The following SLC25A48 variants were observed in gnomAD, a reference collection of about 807,000 sequenced individuals.
SLC25A48 encodes CTC-321K16.1.
Under a neutral mutation model 32.2 loss-of-function variants are expected in SLC25A48, and 29 were observed. That is an observed-to-expected ratio of 0.90 (90% CI 0.67 to 1.23). The LOEUF (loss-of-function observed/expected upper bound fraction) is 1.23, where lower values mean the gene tolerates loss of function less well. Among genes scored for constraint, SLC25A48 ranks in the 50% most tolerant of loss-of-function variants. The pLI is 0.00. For synonymous variants in SLC25A48, 164 were observed against 172.3 expected (o/e 0.95, Z 0.38); for missense variants, 399 against 422.7 (o/e 0.94, Z 0.49).
chr5:135,870,092 A>G (rs1469100188), intron 4 of SLC25A48, among the ~76,000 whole-genome samples: 1 of 152,210 alleles, frequency 6.6e-6, no homozygotes, highest in Non-Finnish European at 1.5e-5. Context: ...TTCCTCTGAT[A>G]AAGATGGACT....
chr5:135,621,229 T>C (rs2126898882), intron 1 of SLC25A48, among the ~76,000 whole-genome samples: 1 of 152,334 alleles, frequency 6.6e-6, no homozygotes, highest in Admixed American at 6.5e-5. Flanking sequence ...GGGCCTCAAC[T>C]TTCCCATCTA....
intron 4 of SLC25A48, among the ~76,000 whole-genome samples, chr5:135,818,768 G>A (rs1757799974): frequency 6.6e-6 from 1 of 152,176 alleles, no homozygotes; most frequent in South Asian, 2.1e-4. Context: ...GGTGGGCCAT[G>A]TGTTGGAATT....
Position 135,676,529 on chromosome 5 carries a change from A to G in SLC25A48, c.-521+41573A>G, listed in dbSNP as rs185143022. 2.6e-5 allele frequency among the ~76,000 whole-genome samples: 4 copies of G among 151,760 alleles called. No individual in the cohort carries two copies. The East Asian group carries it at 7.7e-4, about 29-fold the overall frequency. ...TTTTAGGTTTGGCTTCTTGCTTTTT[A>G]GGTTCCTAGAGGGGCATCATTAGAC... On this transcript the variant is annotated intron_variant, in intron 3 of 10. Transcript: ENST00000646290.
intron 3 of SLC25A48, among the ~76,000 whole-genome samples, chr5:135,721,192 C>CCT (rs1754944473): frequency 1.9e-5 from 1 of 53,866 alleles, no homozygotes; most frequent in African/African-American, 6.0e-5. Context: ...CATGCCTGGC[C>CCT]TTTTTTTTTT....
intron 1 of SLC25A48, among the ~76,000 whole-genome samples, chr5:135,589,790 G>A (rs912844112): frequency 3.8e-4 from 58 of 152,302 alleles, no homozygotes; most frequent in African/African-American, 1.3e-3. Context: ...TGCCTCCTGG[G>A]TTCAAGCGAT....
At chr5:135,690,957 A>G (rs200643968) in intron 3 of SLC25A48, among the ~76,000 whole-genome samples, 2 of 127,026 alleles carry the variant, frequency 1.6e-5, no homozygotes, top group South Asian at 5.0e-4. Flanking sequence ...TTTTTTTTTT[A>G]ATAAAAATCA....
intron 1 of SLC25A48, chr5:135,609,397 C>A (rs545813296): frequency 6.6e-6 from 1 of 152,114 alleles, no homozygotes; most frequent in African/African-American, 2.4e-5. Flanking sequence ...TAATGATGAA[C>A]GACTAAATAA....
intron 6 of SLC25A48, among the ~76,000 whole-genome samples, chr5:135,879,599 A>AGTGTGTGTGT (rs1435731336): frequency 1.7e-4 from 23 of 139,202 alleles, no homozygotes; most frequent in Admixed American, 1.5e-3. Context: ...AGAGAGAGAG[A>AGTGTGTGTGT]GAGAGAGAGA....
intron 3 of SLC25A48, among the ~76,000 whole-genome samples, chr5:135,811,137 A>G (rs7445880): frequency 0.35 from 53,396 of 151,718 alleles, 9,483 homozygotes; most frequent in Middle Eastern, 0.44. Flanking sequence ...CCACCACTCC[A>G]GGACTTCCAA....
chr5:135,794,015 T>G (rs1273072579), intron 3 of SLC25A48, among the ~76,000 whole-genome samples: 3 of 151,968 alleles, frequency 2.0e-5, no homozygotes, highest in Non-Finnish European at 4.4e-5. Context: ...TTCCTAATAT[T>G]CAGGGGGGAA....
At chr5:135,828,583 C>G (rs1758125493) in intron 4 of SLC25A48, among the ~76,000 whole-genome samples, 1 of 152,248 alleles carries the variant, frequency 6.6e-6, no homozygotes, top group Admixed American at 6.5e-5. Flanking sequence ...GCAAGCCCAC[C>G]AGTTCCCTGC....
At chr5:135,730,181 A>G (rs1331504524) in intron 3 of SLC25A48, among the ~76,000 whole-genome samples, 1 of 152,194 alleles carries the variant, frequency 6.6e-6, no homozygotes, top group Non-Finnish European at 1.5e-5. Context: ...ATTAATTCCT[A>G]TAACAAACCT....
intron 3 of SLC25A48, among the ~76,000 whole-genome samples, chr5:135,689,942 CT>C (rs944993498): frequency 2.2e-4 from 33 of 152,094 alleles, no homozygotes; most frequent in African/African-American, 7.5e-4. Context: ...TTGTGTCTGC[CT>C]GGGGACTTGG....
At chr5:135,858,449 T>G (rs1760513075) in intron 4 of SLC25A48, among the ~76,000 whole-genome samples, 1 of 152,192 alleles carries the variant, frequency 6.6e-6, no homozygotes. Flanking sequence ...ATAAGAATGG[T>G]CTTGGCAGTA....
At chr5:135,730,959 A>G (rs1755206606) in intron 3 of SLC25A48, among the ~76,000 whole-genome samples, 1 of 152,210 alleles carries the variant, frequency 6.6e-6, no homozygotes. Flanking sequence ...GGCCCCAACC[A>G]GGGCTCTTTC....
intron 3 of SLC25A48, among the ~76,000 whole-genome samples, chr5:135,720,499 A>G (rs1754926133): frequency 6.6e-6 from 1 of 152,224 alleles, no homozygotes; most frequent in African/African-American, 2.4e-5. Context: ...GGACACACTT[A>G]GGAGTCAGGA....
intron 3 of SLC25A48, among the ~76,000 whole-genome samples, chr5:135,771,558 C>T (rs772204767): frequency 6.6e-6 from 1 of 151,392 alleles, no homozygotes; most frequent in Non-Finnish European, 1.5e-5. Context: ...GGGTGTACAC[C>T]CTCCTGTGAT....
At chr5:135,734,667 A>T (rs1016357658) in intron 3 of SLC25A48, among the ~76,000 whole-genome samples, 3 of 151,972 alleles carry the variant, frequency 2.0e-5, no homozygotes, top group Non-Finnish European at 2.9e-5. Flanking sequence ...TACAAAAAAA[A>T]TTAGCCGGGC....
At chr5:135,880,883 A>G (rs1371063535) in intron 7 of SLC25A48, among the ~76,000 whole-genome samples, 1 of 152,038 alleles carries the variant, frequency 6.6e-6, no homozygotes, top group Non-Finnish European at 1.5e-5. Flanking sequence ...CTCCTCCTCC[A>G]GGATGCCGGC....
Sources: allele counts gnomAD v4.1 joint callset (sites outside exome capture counted in the v4.1 genomes callset), GRCh38; gene constraint gnomAD v4.1.1; transcripts MANE v1.5; gene names NCBI Gene and HGNC (gene_info 2026-07-23, HGNC 2026-07-21).